The following GLYATL2 variants were observed in gnomAD, a reference collection of about 807,000 sequenced individuals.
The protein encoded by GLYATL2 is glycine-N-acyltransferase like 2, also known as glycine N-acyltransferase-like protein 2.
In GLYATL2, 25 loss-of-function variants were observed where a neutral mutation model predicts 21.4. The observed-to-expected ratio is 1.17, with a 90% CI of 0.85 to 1.63. GLYATL2 has a LOEUF of 1.63. GLYATL2 is among the 40% of genes most tolerant of loss of function. The pLI is 0.00. For synonymous variants in GLYATL2, 114 were observed against 118.2 expected, an observed-to-expected ratio of 0.96 and a Z score of 0.23; for missense variants, 361 against 343.3, an observed-to-expected ratio of 1.05 and a Z score of -0.41.
At chr11:58,865,071 C>T (rs1184832165) in intron 1 of GLYATL2, among the ~76,000 whole-genome samples, 1 of 148,662 alleles carries the variant, frequency 6.7e-6, no homozygotes, top group Non-Finnish European at 1.5e-5. Flanking sequence ...ATGTATTCAT[C>T]TCTATCTTCA....
chr11:58,897,448 C>T (rs1245657853), intron 1 of GLYATL2, among the ~76,000 whole-genome samples: 1 of 152,102 alleles, frequency 6.6e-6, no homozygotes, highest in Non-Finnish European at 1.5e-5. Context: ...GGGTGCCAAC[C>T]TTTTAGAACT....
chr11:58,849,294 A>G (rs1428656948), upstream of GLYATL2, among the ~76,000 whole-genome samples: 1 of 152,220 alleles, frequency 6.6e-6, no homozygotes, highest in Non-Finnish European at 1.5e-5. Context: ...ACAGAATATT[A>G]TAACGCTGTT....
chr11:58,882,039 A>C (rs1343151166), intron 1 of GLYATL2, among the ~76,000 whole-genome samples: 2 of 152,180 alleles, frequency 1.3e-5, no homozygotes, highest in Non-Finnish European at 2.9e-5. Context: ...CTCAATAAAC[A>C]TATGTGTGCA....
intron 1 of GLYATL2, among the ~76,000 whole-genome samples, chr11:58,841,321 G>T (rs980220564): frequency 6.6e-5 from 10 of 152,200 alleles, no homozygotes; most frequent in Admixed American, 5.2e-4. Flanking sequence ...TCCACCCCTG[G>T]CTCCTCCTCT....
At chr11:58,894,024 A>C (rs1854591506) in intron 1 of GLYATL2, among the ~76,000 whole-genome samples, 1 of 152,204 alleles carries the variant, frequency 6.6e-6, no homozygotes, top group Non-Finnish European at 1.5e-5. Context: ...AAGAATCTCC[A>C]GAGAATCAAG....
At chr11:58,885,990 G>A (rs1396724377) in intron 1 of GLYATL2, among the ~76,000 whole-genome samples, 3 of 152,204 alleles carry the variant, frequency 2.0e-5, no homozygotes, top group Non-Finnish European at 4.4e-5. Flanking sequence ...CAAGGCAGGA[G>A]GATCACTTGA....
At chr11:58,860,624 C>T (rs879836813) in intron 1 of GLYATL2, among the ~76,000 whole-genome samples, 2 of 152,072 alleles carry the variant, frequency 1.3e-5, no homozygotes, top group Non-Finnish European at 2.9e-5. Context: ...CTGAGTAGAA[C>T]TTCCATTAAT....
At chr11:58,890,907 T>A (rs1483086016) in intron 1 of GLYATL2, among the ~76,000 whole-genome samples, 3 of 152,048 alleles carry the variant, frequency 2.0e-5, no homozygotes, top group African/African-American at 7.2e-5. Flanking sequence ...GCTTTATATA[T>A]CCTTTGCACT....
At position 58,839,621 on chromosome 11, in the gene GLYATL2, G is replaced by T. The variant is rs780594326; in HGVS notation, c.-9C>A. ...TTATGAAGCACAAGCATCTTATGTA[G>T]CACTTCAGCTTCTTTCCCTCAAGAA... is the stretch of plus-strand genomic sequence containing the variant. On this transcript the variant is annotated 5_prime_UTR_variant, in exon 2 of 6. Transcript: ENST00000287275. 3 of 1,599,590 alleles carry T rather than the reference G, an allele frequency of 1.9e-6. No individual in the cohort carries two copies. Among genetic ancestry groups the T allele is most frequent in the Non-Finnish European group, 8.5e-7 (1 of 1,170,002 alleles).
At chr11:58,862,497 T>G (rs112397281) in intron 1 of GLYATL2, among the ~76,000 whole-genome samples, 1,756 of 152,280 alleles carry the variant, frequency 0.012, 15 homozygotes, top group South Asian at 0.044. Flanking sequence ...TCACTTTTTC[T>G]CATTTTTTTC....
intron 5 of GLYATL2, among the ~76,000 whole-genome samples, chr11:58,836,797 G>T (rs76087685): frequency 6.6e-6 from 1 of 152,124 alleles, no homozygotes; most frequent in Admixed American, 6.5e-5. Context: ...TCAGAAGGAC[G>T]TTGTGAGCCC....
chr11:58,855,076 C>T (rs989398263), intron 1 of GLYATL2, among the ~76,000 whole-genome samples: 7 of 152,132 alleles, frequency 4.6e-5, no homozygotes, highest in Non-Finnish European at 1.0e-4. Context: ...CTTCCAAATT[C>T]CTGTTGATGT....
chr11:58,849,360 T>G (rs770764356), upstream of GLYATL2, among the ~76,000 whole-genome samples: 6 of 152,180 alleles, frequency 3.9e-5, no homozygotes, highest in South Asian at 6.2e-4. Flanking sequence ...GCTCAAGCAA[T>G]CCACCTACCT....
chr11:58,842,453 A>G (rs1853569950), intron 1 of GLYATL2, among the ~76,000 whole-genome samples: 1 of 149,888 alleles, frequency 6.7e-6, no homozygotes, highest in Admixed American at 6.7e-5. Flanking sequence ...CTCTGTCTAA[A>G]TTGTCCCAGG....
At chr11:58,901,436 A>T (rs1053859800) in intron 1 of GLYATL2, among the ~76,000 whole-genome samples, 3 of 152,200 alleles carry the variant, frequency 2.0e-5, no homozygotes, top group Admixed American at 6.5e-5. Context: ...GAACTTAAAT[A>T]TATTTGGGTT....
At chr11:58,898,668 T>C (rs1375829678) in intron 1 of GLYATL2, among the ~76,000 whole-genome samples, 1 of 151,182 alleles carries the variant, frequency 6.6e-6, no homozygotes, top group Non-Finnish European at 1.5e-5. Flanking sequence ...ACCCCGCCTC[T>C]ACTAAAAATA....
At chr11:58,868,116 C>T (rs1854052529) in intron 1 of GLYATL2, among the ~76,000 whole-genome samples, 1 of 148,768 alleles carries the variant, frequency 6.7e-6, no homozygotes. Flanking sequence ...TGGCCAAAGT[C>T]CTGATACAGA....
intron 1 of GLYATL2, among the ~76,000 whole-genome samples, chr11:58,894,022 C>T (rs77700385): frequency 3.3e-4 from 51 of 152,306 alleles, no homozygotes; most frequent in African/African-American, 1.2e-3. Context: ...AAAAGAATCT[C>T]CAGAGAATCA....
At chr11:58,890,015 G>C (rs1017321961) in intron 1 of GLYATL2, among the ~76,000 whole-genome samples, 17 of 152,080 alleles carry the variant, frequency 1.1e-4, no homozygotes, top group Non-Finnish European at 1.5e-4. Flanking sequence ...AATATTACAC[G>C]TTGATGAGTC....
Sources: gnomAD v4.1 joint callset for allele counts (sites outside exome capture counted in the v4.1 genomes callset) on GRCh38, gnomAD v4.1.1 for gene constraint, MANE v1.5 for transcripts, NCBI Gene and HGNC (gene_info 2026-07-23, HGNC 2026-07-21) for gene names.